Variants in FSHR observed in about 807,000 individuals in gnomAD.
The protein encoded by FSHR is follicle-stimulating hormone receptor.
Under a neutral mutation model 52.1 loss-of-function variants are expected in FSHR, and 46 were observed. That is an observed-to-expected ratio of 0.88 (90% CI 0.70 to 1.13). The LOEUF is 1.13. Ranked by LOEUF, FSHR falls within the 50% of genes most tolerant of loss-of-function variation. FSHR has a pLI of 0.00. For missense variants in FSHR, 964 were observed against 834.6 expected (o/e 1.16, Z -1.91); for synonymous variants, 399 against 309.6 (o/e 1.29, Z -3.03).
At chr2:49,117,626 A>G (rs994036270) in intron 1 of FSHR, among the ~76,000 whole-genome samples, 2 of 152,220 alleles carry the variant, frequency 1.3e-5, no homozygotes, top group Admixed American at 1.3e-4. Context: ...GGAGAATAAA[A>G]AAGGGTCAAT....
chr2:48,985,497 G>C (rs1675461202), intron 6 of FSHR, among the ~76,000 whole-genome samples: 1 of 152,014 alleles, frequency 6.6e-6, no homozygotes, highest in African/African-American at 2.4e-5. Flanking sequence ...CCCCATTCAG[G>C]CACTCTGCTT....
intron 8 of FSHR, among the ~76,000 whole-genome samples, chr2:48,977,051 T>C (rs1675021261): frequency 6.6e-6 from 1 of 152,140 alleles, no homozygotes; most frequent in African/African-American, 2.4e-5. Flanking sequence ...TGTACACCTA[T>C]GTAACAAACC....
chr2:49,082,273 G>T (rs1670202143), intron 1 of FSHR, among the ~76,000 whole-genome samples: 1 of 152,174 alleles, frequency 6.6e-6, no homozygotes, highest in South Asian at 2.1e-4. Context: ...CAACAGACCT[G>T]CAGCTGAGGG....
At chr2:49,151,175 A>G (rs1290889158) in intron 1 of FSHR, among the ~76,000 whole-genome samples, 1 of 143,836 alleles carries the variant, frequency 7.0e-6, no homozygotes, top group East Asian at 2.0e-4. Flanking sequence ...TAAGAAAGGT[A>G]TAGAGTCAGA....
intron 2 of FSHR, among the ~76,000 whole-genome samples, chr2:49,037,798 T>C (rs1572664618): frequency 6.6e-6 from 1 of 151,968 alleles, no homozygotes; most frequent in Non-Finnish European, 1.5e-5. Context: ...GAGGATAGCA[T>C]AAGAAATTCC....
At chr2:49,147,737 T>A (rs1383352123) in intron 1 of FSHR, among the ~76,000 whole-genome samples, 1 of 151,990 alleles carries the variant, frequency 6.6e-6, no homozygotes. Context: ...CATTTTTTTT[T>A]TTATTCTTCT....
chr2:49,019,968 T>C (rs185951212), intron 3 of FSHR, 118 bp downstream of exon 3: 1 of 901,378 alleles, frequency 1.1e-6, no homozygotes, highest in East Asian at 2.4e-5. Flanking sequence ...TGACATCTTA[T>C]AATGACAATC....
At chr2:49,146,212 A>G (rs1247166089) in intron 1 of FSHR, among the ~76,000 whole-genome samples, 2 of 152,070 alleles carry the variant, frequency 1.3e-5, no homozygotes, top group African/African-American at 4.8e-5. Flanking sequence ...AGGAACCACA[A>G]GAGGCAATGC....
chr2:48,975,737 C>T (rs1405711489), intron 8 of FSHR, among the ~76,000 whole-genome samples: 3 of 152,140 alleles, frequency 2.0e-5, no homozygotes, highest in African/African-American at 7.2e-5. Context: ...TATTTTTATT[C>T]TCTCTGTAGC....
At chr2:49,059,425 A>C (rs939389565) in intron 2 of FSHR, among the ~76,000 whole-genome samples, 17 of 151,900 alleles carry the variant, frequency 1.1e-4, no homozygotes, top group Admixed American at 3.9e-4. Context: ...GAAAAAAAAA[A>C]CAGACAAATA....
At chr2:48,986,966 T>C (rs1675542934) in intron 6 of FSHR, among the ~76,000 whole-genome samples, 2 of 152,178 alleles carry the variant, frequency 1.3e-5, no homozygotes, top group Non-Finnish European at 2.9e-5. Context: ...TTGAATAAGT[T>C]TGCCATATTA....
At chr2:49,117,767 C>T (rs902062417) in intron 1 of FSHR, among the ~76,000 whole-genome samples, 14 of 152,284 alleles carry the variant, frequency 9.2e-5, no homozygotes, top group Non-Finnish European at 1.3e-4. Flanking sequence ...GTGCTCTTTG[C>T]TGTTTAATTT....
intron 8 of FSHR, among the ~76,000 whole-genome samples, chr2:48,977,049 T>C (rs959485486): frequency 6.6e-6 from 1 of 152,146 alleles, no homozygotes; most frequent in African/African-American, 2.4e-5. Flanking sequence ...CGTGTACACC[T>C]ATGTAACAAA....
chr2:49,090,563 G>C (rs1040483725), intron 1 of FSHR, among the ~76,000 whole-genome samples: 5 of 152,280 alleles, frequency 3.3e-5, no homozygotes, highest in South Asian at 2.1e-4. Flanking sequence ...ATTATGAATA[G>C]AGCTGCTATA....
chr2:49,043,150 A>G (rs1668538126), intron 2 of FSHR, among the ~76,000 whole-genome samples: 1 of 152,054 alleles, frequency 6.6e-6, no homozygotes, highest in African/African-American at 2.4e-5. Flanking sequence ...TTCCTTTCCA[A>G]GTTTAAGGAA....
At chr2:48,980,399 G>A (rs1485320908) in intron 8 of FSHR, among the ~76,000 whole-genome samples, 1 of 152,188 alleles carries the variant, frequency 6.6e-6, no homozygotes, top group Non-Finnish European at 1.5e-5. Context: ...AATTGCTTCC[G>A]ATGCTTTCAC....
At chr2:48,992,683 C>A (rs1052057906) in intron 4 of FSHR, among the ~76,000 whole-genome samples, 2 of 151,850 alleles carry the variant, frequency 1.3e-5, no homozygotes, top group African/African-American at 4.8e-5. Context: ...CTATTCCACC[C>A]TCTTGCTCTG....
At chr2:49,036,645 A>G (rs1021605030) in intron 2 of FSHR, among the ~76,000 whole-genome samples, 19 of 152,250 alleles carry the variant, frequency 1.2e-4, no homozygotes, top group South Asian at 4.1e-4. Context: ...TTCTTTGTCT[A>G]GATGCTCAGT....
At chr2:49,010,869 G>T (rs978095028) in intron 4 of FSHR, among the ~76,000 whole-genome samples, 1 of 152,072 alleles carries the variant, frequency 6.6e-6, no homozygotes, top group African/African-American at 2.4e-5. Flanking sequence ...GGGATCGGTG[G>T]TGATATCCCC....
Sources: allele counts gnomAD v4.1 joint callset (sites outside exome capture counted in the v4.1 genomes callset), GRCh38; gene constraint gnomAD v4.1.1; transcripts MANE v1.5; gene names NCBI Gene and HGNC (gene_info 2026-07-23, HGNC 2026-07-21).